RBFOX1: variants seen among roughly 807,000 people sequenced by gnomAD.
RBFOX1 encodes the protein RNA binding protein fox-1 homolog 1.
In RBFOX1, 8 loss-of-function variants were observed where a neutral mutation model predicts 57.7. The ratio of observed to expected loss-of-function variants is 0.14; its 90% CI spans 0.08 to 0.25. The LOEUF is 0.25. Ranked by LOEUF, RBFOX1 falls within the 10% of genes least tolerant of loss-of-function variation. RBFOX1 has a pLI of 1.00. For missense variants in RBFOX1, 611 were observed against 548.5 expected (o/e 1.11, Z -1.14); for synonymous variants, 326 against 222.4 (o/e 1.47, Z -4.15).
intron 4 of RBFOX1, among the ~76,000 whole-genome samples, chr16:7,162,856 T>G (rs1183121530): frequency 1.3e-5 from 2 of 152,202 alleles, no homozygotes; most frequent in Non-Finnish European, 2.9e-5. Context: ...ACTTCAAAGC[T>G]GGAGAAGCAG....
intron 1 of RBFOX1, among the ~76,000 whole-genome samples, chr16:6,312,988 T>C (rs1330056917): frequency 6.6e-6 from 1 of 152,104 alleles, no homozygotes; most frequent in South Asian, 2.1e-4. Context: ...ATATGGGCTA[T>C]GAAGAAAGGG....
chr16:7,590,059 A>T (rs2152915035), intron 7 of RBFOX1, among the ~76,000 whole-genome samples: 1 of 152,050 alleles, frequency 6.6e-6, no homozygotes, highest in African/African-American at 2.4e-5. Context: ...TGAAGCCAGG[A>T]GTTCAAGACC....
intron 3 of RBFOX1, among the ~76,000 whole-genome samples, chr16:5,732,538 C>G (rs960678965): frequency 6.6e-6 from 1 of 152,176 alleles, no homozygotes; most frequent in Non-Finnish European, 1.5e-5. Flanking sequence ...GAGGCAGGGA[C>G]TTTGGGGTCA....
At chr16:7,055,902 A>G (rs1311778368) in intron 4 of RBFOX1, among the ~76,000 whole-genome samples, 5 of 152,096 alleles carry the variant, frequency 3.3e-5, no homozygotes, top group African/African-American at 9.7e-5. Context: ...GTGTGGGCTC[A>G]GCAACTTTGT....
intron 7 of RBFOX1, among the ~76,000 whole-genome samples, chr16:7,591,060 G>C (rs552361176): frequency 6.6e-5 from 10 of 152,228 alleles, no homozygotes; most frequent in Admixed American, 3.3e-4. Context: ...GCGGTGATGG[G>C]AGAGGCCACT....
At chr16:7,221,487 T>G (rs1451043109) in intron 4 of RBFOX1, among the ~76,000 whole-genome samples, 1 of 151,908 alleles carries the variant, frequency 6.6e-6, no homozygotes, top group Non-Finnish European at 1.5e-5. Context: ...CTGCCTCAGC[T>G]TCCAGAGTAG....
intron 1 of RBFOX1, among the ~76,000 whole-genome samples, chr16:6,111,825 A>G (rs553222773): frequency 4.6e-5 from 7 of 152,232 alleles, no homozygotes; most frequent in Non-Finnish European, 7.3e-5. Flanking sequence ...AAGAATCAGT[A>G]CCATCTAAAC....
In RBFOX1 at chr16:6,031,222, C is replaced by T. The variant is rs968080136; in HGVS notation, c.-127+11230C>T. ...AGTGGGGAGAAGAGAAGAGAGGAGA[C>T]CATGGTGAGCAGAGGTGGCAGTGTG... On this transcript the variant is annotated intron_variant, in intron 1 of 15. Coordinates refer to ENST00000550418, the MANE Select transcript of RBFOX1 (RefSeq NM_018723.4). 5.9e-5 allele frequency among the ~76,000 whole-genome samples: 9 copies of T among 152,062 alleles called. No individual in the cohort carries two copies. The East Asian group carries it at 1.6e-3, about 26-fold the overall frequency.
chr16:7,149,042 C>T (rs955222617), intron 4 of RBFOX1, among the ~76,000 whole-genome samples: 5 of 152,194 alleles, frequency 3.3e-5, no homozygotes, highest in Non-Finnish European at 7.3e-5. Flanking sequence ...TCTGGTCTAC[C>T]AATTCTGCCC....
In RBFOX1 at chr16:6,653,099, G is replaced by T. The variant is rs148988075; in HGVS notation, c.-63-1504G>T. On this transcript the variant is annotated intron_variant, in intron 2 of 15. Transcript: ENST00000550418. Reference sequence around the variant, plus strand: ...CCTTGGGGCTTTGAACTTGCTCTTCGTTTGCCTGGGATGTTCTCTTCCCCA... The same window carrying T: ...CCTTGGGGCTTTGAACTTGCTCTTCTTTTGCCTGGGATGTTCTCTTCCCCA... Among the ~76,000 whole-genome samples, 6 of 151,722 alleles carry T rather than the reference G, an allele frequency of 4.0e-5. 1 individual carries two copies. Among genetic ancestry groups the T allele is most frequent in the Admixed American group, 3.9e-4 (6 of 15,242 alleles).
chr16:7,654,587 G>A (rs773837365), intron 12 of RBFOX1, among the ~76,000 whole-genome samples: 2 of 152,112 alleles, frequency 1.3e-5, no homozygotes, highest in Non-Finnish European at 2.9e-5. Flanking sequence ...TCTCTGCACA[G>A]ACTTTGATAT....
In RBFOX1 at chr16:7,204,097, C is replaced by G. The variant is rs56389161; in HGVS notation, c.27+151999C>G. Among the ~76,000 whole-genome samples, 413 of 152,338 alleles carry G rather than the reference C, an allele frequency of 2.7e-3. 2 individuals are homozygous for G. Among genetic ancestry groups the G allele is most frequent in the Non-Finnish European group, 4.1e-3 (282 of 68,032 alleles). On this transcript the variant is annotated intron_variant, in intron 4 of 15. Transcript: ENST00000550418. ...TATTTAAACTGGCTACAACTCTAAT[C>G]CATGGGAGGTGGGAAATCCACGGCA...
chr16:5,754,394 G>A (rs1004222493), intron 3 of RBFOX1, among the ~76,000 whole-genome samples: 4 of 152,054 alleles, frequency 2.6e-5, no homozygotes, highest in Non-Finnish European at 5.9e-5. Flanking sequence ...TTGATGTGGG[G>A]GTGGGTTGCC....
At chr16:6,518,641 A>C (rs1233035699) in intron 2 of RBFOX1, among the ~76,000 whole-genome samples, 1 of 152,088 alleles carries the variant, frequency 6.6e-6, no homozygotes, top group Non-Finnish European at 1.5e-5. Flanking sequence ...ACATTGTCCT[A>C]GTGTTTGCCT....
intron 4 of RBFOX1, among the ~76,000 whole-genome samples, chr16:7,165,473 A>G (rs985436104): frequency 8.9e-4 from 135 of 151,484 alleles, no homozygotes; most frequent in African/African-American, 2.9e-3. Flanking sequence ...CTTGTTCCCC[A>G]GGCTGGAGTG....
intron 4 of RBFOX1, among the ~76,000 whole-genome samples, chr16:7,352,686 C>T (rs2097149735): frequency 1.3e-5 from 2 of 151,878 alleles, no homozygotes; most frequent in African/African-American, 4.8e-5. Flanking sequence ...CTGGATCTGC[C>T]CCTCAATGTC....
At chr16:7,031,898 G>C (rs552148306) in intron 3 of RBFOX1, among the ~76,000 whole-genome samples, 10 of 152,100 alleles carry the variant, frequency 6.6e-5, no homozygotes, top group Non-Finnish European at 4.4e-5. Context: ...ATCTCTCCCT[G>C]ATCAGTATAA....
chr16:6,300,310 A>G (rs2078659793), intron 1 of RBFOX1, among the ~76,000 whole-genome samples: 2 of 152,178 alleles, frequency 1.3e-5, no homozygotes, highest in East Asian at 1.9e-4. Context: ...GAATATCACT[A>G]AAAGAGTACG....
chr16:5,315,714 G>A (rs1419757784), intron 1 of RBFOX1, among the ~76,000 whole-genome samples: 1 of 152,182 alleles, frequency 6.6e-6, no homozygotes, highest in African/African-American at 2.4e-5. Context: ...AAGAGCACCA[G>A]GAAGGTCATT....
Sources: allele counts gnomAD v4.1 joint callset (sites outside exome capture counted in the v4.1 genomes callset), GRCh38; gene constraint gnomAD v4.1.1; transcripts MANE v1.5; gene names NCBI Gene and HGNC (gene_info 2026-07-23, HGNC 2026-07-21).